The following RBM26 variants were observed in gnomAD, a reference collection of about 807,000 sequenced individuals.
RBM26 encodes RNA binding motif protein 26.
RBM26 carries 30 observed loss-of-function variants against 123.6 expected under a neutral mutation model. The ratio of observed to expected loss-of-function variants is 0.24; its 90% CI spans 0.18 to 0.33. The LOEUF (loss-of-function observed/expected upper bound fraction) is 0.33, where lower values mean the gene tolerates loss of function less well. Ranked by LOEUF, RBM26 falls within the 10% of genes least tolerant of loss-of-function variation. RBM26 has a pLI of 1.00. For missense variants in RBM26, 947 were observed against 1,203.6 expected, an observed-to-expected ratio of 0.79 and a Z score of 3.15; for synonymous variants, 400 against 404.4, an observed-to-expected ratio of 0.99 and a Z score of 0.13.
In RBM26 at chr13:79,344,156, A is replaced by G. The variant is rs925816037; in HGVS notation, c.2259+92T>C. 2.9e-5 allele frequency: 24 copies of G among 826,014 alleles called. No homozygotes were observed. In the Admixed American group the frequency reaches 4.3e-4, roughly 15 times the overall value. The allele number at this position is 826,014 out of a possible 1,614,324, so 51.2% of individuals were successfully genotyped here. On this transcript the variant is annotated intron_variant, in intron 16 of 21. Coordinates refer to ENST00000438737, the MANE Select transcript of RBM26 (RefSeq NM_001366735.2). ...TATTTGTTTTACCATTACCAATTAT[A>G]GTAAATCTTTTTATGACTAGGTAGC...
intron 9 of RBM26, among the ~76,000 whole-genome samples, chr13:79,363,595 CTA>C (rs1170272002): frequency 6.6e-6 from 1 of 152,102 alleles, no homozygotes; most frequent in Non-Finnish European, 1.5e-5. Flanking sequence ...AATAATGATT[CTA>C]TGAGAAAAAG....
chr13:79,327,906 T>C (rs898615028), intron 20 of RBM26, among the ~76,000 whole-genome samples: 4 of 152,038 alleles, frequency 2.6e-5, no homozygotes, highest in Non-Finnish European at 5.9e-5. Context: ...CAAACGTGCA[T>C]GTGTACTCCC....
downstream of RBM26, among the ~76,000 whole-genome samples, chr13:79,317,161 T>C (rs1027499095): frequency 2.0e-5 from 3 of 151,744 alleles, no homozygotes; most frequent in African/African-American, 7.3e-5. Context: ...AGTTCATCTC[T>C]ATTTTATAGG....
chr13:79,342,805 GT>G lies in RBM26; in HGVS notation c.2285del (p.Asn762ThrfsTer4). 6.3e-7 allele frequency: 1 copy of G among 1,595,032 alleles called. No homozygotes were observed. The highest frequency in any genetic ancestry group is 1.1e-5 in the South Asian group (1 of 87,404). ...QKMLISKLEK[N>X]KTMKSEDKAE... ...CTTTATCTTCAGACTTCATTGTTTTGTTTTTCTCCAGTTTTGAAATTAACAT... is the reference window on the plus strand; with the variant it reads ...CTTTATCTTCAGACTTCATTGTTTTGTTTTCTCCAGTTTTGAAATTAACAT... On this transcript the variant is annotated frameshift_variant, in exon 17 of 22. Coordinates refer to ENST00000438737, the MANE Select transcript of RBM26 (RefSeq NM_001366735.2). LOFTEE classifies it high-confidence loss of function.
At position 79,337,248 on chromosome 13, in the gene RBM26, C is replaced by A. The variant is rs1340798483; in HGVS notation, c.2587G>T (p.Gly863Cys). 1.2e-6 allele frequency: 2 copies of A among 1,614,054 alleles called. No homozygotes were observed. The highest frequency in any genetic ancestry group is 2.7e-5 in the African/African-American group (2 of 74,918). The change falls in exon 19 of 22, where the codon GGT (glycine) becomes TGT (cysteine). Residue 863 changes from glycine (G) to cysteine (C), a missense_variant. Around this residue, in one of 5 missense-constraint regions of RBM26, gnomAD observed 164 missense variants for 215.3 expected, o/e 0.76. Transcript: ENST00000438737. Reference protein sequence around the residue: ...SGRGRGIHSRGRGAVHGRGRG... With the variant: ...SGRGRGIHSRCRGAVHGRGRG... ...CCTCGGCCATGAACTGCACCTCGAC[C>A]TCTTGAATGAATTCCTCTGCCCCGA... is the stretch of plus-strand genomic sequence containing the variant.
downstream of RBM26, among the ~76,000 whole-genome samples, chr13:79,315,775 T>A (rs568638226): frequency 6.6e-6 from 1 of 152,020 alleles, no homozygotes; most frequent in South Asian, 2.1e-4. Flanking sequence ...TGTTTTTCAT[T>A]AGCAATTAAT....
intron 1 of RBM26, among the ~76,000 whole-genome samples, chr13:79,382,050 T>C (rs1033160679): frequency 2.0e-5 from 3 of 152,118 alleles, no homozygotes; most frequent in Non-Finnish European, 4.4e-5. Context: ...GTAAAAAATA[T>C]GGACCACAGA....
intron 20 of RBM26, among the ~76,000 whole-genome samples, chr13:79,325,855 T>A (rs573306009): frequency 6.6e-6 from 1 of 152,220 alleles, no homozygotes; most frequent in Non-Finnish European, 1.5e-5. Context: ...CCATTCATGG[T>A]AGGTACCCCA....
chr13:79,319,743 C>T lies in RBM26; in HGVS notation c.*878G>A, dbSNP rs1033495308. On this transcript the variant is annotated 3_prime_UTR_variant, in exon 22 of 22. Coordinates refer to ENST00000438737, the MANE Select transcript of RBM26 (RefSeq NM_001366735.2). ...TGAAAATTTATAGGATCAAACCAAA[C>T]TCAAGTGGTATAATTTTTAAACATT... 19 of 982,922 alleles carry T rather than the reference C, an allele frequency of 1.9e-5. No homozygotes were observed. The highest frequency in any genetic ancestry group is 2.3e-5 in the Non-Finnish European group (19 of 828,180). 60.9% of individuals were successfully genotyped at this position (982,922 alleles called of 1,614,324 possible). A position where few individuals can be genotyped will look rare whatever the true frequency, so the allele number is the denominator to read the frequency against.
chr13:79,401,086 C>T (rs2079022927), intron 1 of RBM26, among the ~76,000 whole-genome samples: 1 of 152,016 alleles, frequency 6.6e-6, no homozygotes, highest in African/African-American at 2.4e-5. Flanking sequence ...AAGGAAAGGT[C>T]AAAGGAATCA....
At chr13:79,329,061 C>T (rs1402917176) in intron 20 of RBM26, among the ~76,000 whole-genome samples, 3 of 151,794 alleles carry the variant, frequency 2.0e-5, no homozygotes, top group Non-Finnish European at 4.4e-5. Flanking sequence ...GGGCAATTTT[C>T]ATTAAAAATT....
intron 13 of RBM26, 61 bp downstream of exon 13, chr13:79,354,378 C>T: frequency 1.5e-6 from 2 of 1,320,524 alleles, no homozygotes; most frequent in Admixed American, 2.6e-5. Flanking sequence ...ATTCAAATCA[C>T]CAAGGGAAAC....
At position 79,353,236 on chromosome 13, in the gene RBM26, A is replaced by G; in HGVS notation, c.1987-12T>C. 1.4e-6 allele frequency: 2 copies of G among 1,466,774 alleles called. No individual in the cohort carries two copies. Among genetic ancestry groups the G allele is most frequent in the Non-Finnish European group, 1.9e-6 (2 of 1,067,598 alleles). 90.9% of individuals were successfully genotyped at this position (1,466,774 alleles called of 1,614,324 possible). On this transcript the variant is annotated splice_polypyrimidine_tract_variant and intron_variant, in intron 13 of 21. Transcript: ENST00000438737. ...AACTTAGTTACATTCTAAAAAAATTAAAATGGACATATTCAGTGTTTCCCC... is the reference window on the plus strand; with the variant it reads ...AACTTAGTTACATTCTAAAAAAATTGAAATGGACATATTCAGTGTTTCCCC...
In RBM26 at chr13:79,320,293, C is replaced by T. The variant is rs1170699818; in HGVS notation, c.*328G>A. 1.0e-6 allele frequency: 1 copy of T among 992,508 alleles called. No homozygotes were observed. Among genetic ancestry groups the T allele is most frequent in the East Asian group, 1.0e-4 (1 of 10,020 alleles). The allele number at this position is 992,508 out of a possible 1,614,324, so 61.5% of individuals were successfully genotyped here. ...TAAAACAAAGTCCTCTAAGTTATAA[C>T]AAGTATTGGTCATAAGTTTTCAGAC... On this transcript the variant is annotated 3_prime_UTR_variant, in exon 22 of 22. Transcript: ENST00000438737.
At chr13:79,395,889 C>A in intron 1 of RBM26, among the ~76,000 whole-genome samples, 1 of 151,634 alleles carries the variant, frequency 6.6e-6, no homozygotes. Flanking sequence ...TATAAAGTCT[C>A]AGAAAAAGAG....
intron 19 of RBM26, 24 bp from the exon 20 acceptor site, chr13:79,334,454 T>C: frequency 7.7e-7 from 1 of 1,296,950 alleles, no homozygotes; most frequent in Non-Finnish European, 1.1e-6. Context: ...AAAAAGTATT[T>C]CCTCCAAATA....
intron 9 of RBM26, 124 bp downstream of exon 9, chr13:79,365,454 T>C (rs2075162653): frequency 2.5e-6 from 2 of 785,228 alleles, no homozygotes; most frequent in East Asian, 2.5e-5. Flanking sequence ...AAAAATAAAA[T>C]GAAATAAAAT....
At position 79,353,145 on chromosome 13, in the gene RBM26, C is replaced by A; in HGVS notation, c.2058+8G>T. On this transcript the variant is annotated splice_region_variant and intron_variant, in intron 14 of 21. Transcript: ENST00000438737. ...GCCAAGACAAACACATCATGCTATT[C>A]TTCTTACCTTTTCAGTTGCTGAAAC... 6.4e-7 allele frequency: 1 copy of A among 1,562,662 alleles called. No homozygotes were observed. Among genetic ancestry groups the A allele is most frequent in the Non-Finnish European group, 8.7e-7 (1 of 1,145,498 alleles).
At chr13:79,399,402 CACT>C (rs2078872866) in intron 1 of RBM26, among the ~76,000 whole-genome samples, 1 of 151,612 alleles carries the variant, frequency 6.6e-6, no homozygotes, top group Non-Finnish European at 1.5e-5. Context: ...AAATGGTGCC[CACT>C]ACTAATCTTC....
Sources: gnomAD v4.1 joint callset for allele counts (sites outside exome capture counted in the v4.1 genomes callset) on GRCh38, gnomAD v4.1.1 for gene constraint, gnomAD v4.1.1 regional missense constraint, MANE v1.5 for transcripts, NCBI Gene and HGNC (gene_info 2026-07-23, HGNC 2026-07-21) for gene names.